LRIF1: variants seen among roughly 807,000 people sequenced by gnomAD.
LRIF1 encodes ligand dependent nuclear receptor interacting factor 1, also known as ligand-dependent nuclear receptor-interacting factor 1.
LRIF1 carries 32 observed loss-of-function variants against 52.7 expected under a neutral mutation model. That is an observed-to-expected ratio of 0.61 (90% CI 0.46 to 0.82). The LOEUF (loss-of-function observed/expected upper bound fraction) is 0.82. LRIF1 is among the 40% of genes least tolerant of loss of function. The pLI is 0.00. For missense variants in LRIF1, 887 were observed against 892.0 expected, an observed-to-expected ratio of 0.99 and a Z score of 0.07; for synonymous variants, 323 against 317.4, an observed-to-expected ratio of 1.02 and a Z score of -0.19.
the LRIF1 span, among the ~76,000 whole-genome samples, chr1:110,903,040 C>T: frequency 6.6e-6 from 1 of 152,224 alleles, no homozygotes; most frequent in South Asian, 2.1e-4. Flanking sequence ...CTGGACCAAA[C>T]TCTGCTGGTG....
chr1:110,960,910 C>T (rs1658923185), intron 1 of LRIF1, among the ~76,000 whole-genome samples: 1 of 152,144 alleles, frequency 6.6e-6, no homozygotes, highest in Non-Finnish European at 1.5e-5. Flanking sequence ...AAAATGTACA[C>T]CTGTGTCAGT....
chr1:110,912,120 A>G, the LRIF1 span, among the ~76,000 whole-genome samples: 72 of 152,374 alleles, frequency 4.7e-4, 1 homozygote, highest in East Asian at 0.011. Context: ...TCTCTGCCCA[A>G]AGGCTCCTAG....
At chr1:110,876,226 A>G in the LRIF1 span, among the ~76,000 whole-genome samples, 1 of 152,224 alleles carries the variant, frequency 6.6e-6, no homozygotes, top group Non-Finnish European at 1.5e-5. Flanking sequence ...TCCAAAAATC[A>G]TAAAATTACT....
the LRIF1 span, among the ~76,000 whole-genome samples, chr1:110,921,520 A>G: frequency 5.9e-5 from 9 of 152,214 alleles, no homozygotes; most frequent in Non-Finnish European, 1.3e-4. Context: ...ACAAAAAAGC[A>G]TTATTAAAAT....
rs752572420 is a variant in LRIF1, at chr1:110,947,935, T to G, written c.*24A>C. 2 of 1,548,114 alleles carry G rather than the reference T, an allele frequency of 1.3e-6. No homozygotes were observed. Among genetic ancestry groups the G allele is most frequent in the South Asian group, 2.5e-5 (2 of 80,806 alleles). ...AAGTATATTTTAAAAAACAGCTATT[T>G]CACTGAAGTCTTTACAGGAGATTTT... On this transcript the variant is annotated 3_prime_UTR_variant, in exon 4 of 4. Coordinates refer to ENST00000369763, the MANE Select transcript of LRIF1 (RefSeq NM_018372.4).
the LRIF1 span, among the ~76,000 whole-genome samples, chr1:110,896,151 C>T: frequency 1.3e-5 from 2 of 152,202 alleles, no homozygotes; most frequent in African/African-American, 4.8e-5. Context: ...TTAGACTTCT[C>T]CACTCTCTAG....
chr1:110,906,506 T>C, the LRIF1 span, among the ~76,000 whole-genome samples: 1 of 152,086 alleles, frequency 6.6e-6, no homozygotes, highest in Non-Finnish European at 1.5e-5. Context: ...ATTATACCAC[T>C]GCACTCCAGC....
the LRIF1 span, among the ~76,000 whole-genome samples, chr1:110,888,452 A>G: frequency 3.3e-4 from 50 of 152,248 alleles, no homozygotes; most frequent in Non-Finnish European, 6.0e-4. Flanking sequence ...CAGGGCTCAC[A>G]CCATTTATTT....
At chr1:110,928,264 T>C in the LRIF1 span, among the ~76,000 whole-genome samples, 1 of 152,190 alleles carries the variant, frequency 6.6e-6, no homozygotes, top group Non-Finnish European at 1.5e-5. Context: ...GTTTGTTGAA[T>C]AGTAATGTTC....
chr1:110,886,421 A>G, the LRIF1 span, among the ~76,000 whole-genome samples: 1 of 151,736 alleles, frequency 6.6e-6, no homozygotes, highest in Admixed American at 6.6e-5. Context: ...CAAATTTAGG[A>G]TTTTATTTAG....
the LRIF1 span, among the ~76,000 whole-genome samples, chr1:110,913,760 G>A: frequency 1.3e-5 from 2 of 152,100 alleles, no homozygotes; most frequent in Non-Finnish European, 2.9e-5. Context: ...TAACACAGAA[G>A]TACCATTCGA....
the LRIF1 span, among the ~76,000 whole-genome samples, chr1:110,906,867 G>C: frequency 6.6e-6 from 1 of 151,994 alleles, no homozygotes; most frequent in East Asian, 1.9e-4. Flanking sequence ...AAAACAACTG[G>C]GATGCTCTTG....
the LRIF1 span, among the ~76,000 whole-genome samples, chr1:110,881,362 CTTTT>C: frequency 6.6e-6 from 1 of 151,764 alleles, no homozygotes; most frequent in Non-Finnish European, 1.5e-5. Context: ...AGAATGTACT[CTTTT>C]TTATTTAACC....
the LRIF1 span, among the ~76,000 whole-genome samples, chr1:110,935,197 A>AC: frequency 2.0e-5 from 3 of 152,190 alleles, no homozygotes; most frequent in African/African-American, 7.2e-5. Flanking sequence ...TATCTGAAAA[A>AC]CTTTCCCAAA....
intron 1 of LRIF1, among the ~76,000 whole-genome samples, chr1:110,957,407 C>G (rs1658747150): frequency 7.5e-6 from 1 of 132,960 alleles, no homozygotes; most frequent in African/African-American, 2.8e-5. Flanking sequence ...GGCGGCGGAG[C>G]TTGCAGTGAG....
chr1:110,881,924 T>C, the LRIF1 span, among the ~76,000 whole-genome samples: 1 of 152,232 alleles, frequency 6.6e-6, no homozygotes, highest in African/African-American at 2.4e-5. Context: ...CTTTGGTGAA[T>C]TGTCTGTTCT....
chr1:110,928,918 A>T, the LRIF1 span, among the ~76,000 whole-genome samples: 1,178 of 152,352 alleles, frequency 7.7e-3, 6 homozygotes, highest in Middle Eastern at 0.02. Flanking sequence ...GAGATAAAAC[A>T]TCACTAGAGA....
At chr1:110,889,133 A>G in the LRIF1 span, among the ~76,000 whole-genome samples, 2 of 152,232 alleles carry the variant, frequency 1.3e-5, no homozygotes, top group African/African-American at 4.8e-5. Flanking sequence ...AATTCTAGAT[A>G]AAATGAATAA....
the LRIF1 span, chr1:110,899,671 C>T: frequency 6.2e-6 from 1 of 160,570 alleles, no homozygotes; most frequent in Admixed American, 6.2e-5. Context: ...GACTAAGTGC[C>T]CTGGCTACAG....
Sources: gnomAD v4.1 joint callset for allele counts (sites outside exome capture counted in the v4.1 genomes callset) on GRCh38, gnomAD v4.1.1 for gene constraint, MANE v1.5 for transcripts, NCBI Gene and HGNC (gene_info 2026-07-23, HGNC 2026-07-21) for gene names.